The following RAB28 variants were observed in gnomAD, a reference collection of about 807,000 sequenced individuals.
The protein encoded by RAB28 is RAB28, member RAS oncogene family.
RAB28 carries 24 observed loss-of-function variants against 31.7 expected under a neutral mutation model. The ratio of observed to expected loss-of-function variants is 0.76; its 90% CI spans 0.55 to 1.06. RAB28 has a LOEUF of 1.06. RAB28 is among the 50% of genes least tolerant of loss of function. The pLI is 0.00. For missense variants in RAB28, 254 were observed against 258.5 expected, an observed-to-expected ratio of 0.98 and a Z score of 0.12; for synonymous variants, 100 against 90.4, an observed-to-expected ratio of 1.11 and a Z score of -0.60.
intron 4 of RAB28, among the ~76,000 whole-genome samples, chr4:13,410,904 G>GA (rs1416456551): frequency 2.6e-5 from 4 of 151,978 alleles, no homozygotes; most frequent in East Asian, 1.9e-4. Flanking sequence ...GTAATAGAAA[G>GA]AAAAAATAAA....
At chr4:13,422,484 A>T (rs1713220191) in intron 4 of RAB28, among the ~76,000 whole-genome samples, 4 of 152,220 alleles carry the variant, frequency 2.6e-5, no homozygotes, top group Admixed American at 2.6e-4. Context: ...AATAGCAAAG[A>T]CTTGGAACCA....
intron 4 of RAB28, among the ~76,000 whole-genome samples, chr4:13,459,088 T>G (rs1715456913): frequency 6.6e-6 from 1 of 152,186 alleles, no homozygotes; most frequent in South Asian, 2.1e-4. Flanking sequence ...GGCCTCCATC[T>G]TTTTCCTGTG....
chr4:13,453,329 T>C (rs185044232), intron 4 of RAB28, among the ~76,000 whole-genome samples: 48 of 152,258 alleles, frequency 3.2e-4, no homozygotes, highest in Admixed American at 2.7e-3. Context: ...TTTCTGGTTG[T>C]TCTGTATACC....
chr4:13,477,007 A>C (rs1716391133), intron 2 of RAB28, among the ~76,000 whole-genome samples: 1 of 151,586 alleles, frequency 6.6e-6, no homozygotes, highest in South Asian at 2.1e-4. Flanking sequence ...AAAGTGCTGC[A>C]TAGTCAAGAT....
intron 4 of RAB28, among the ~76,000 whole-genome samples, chr4:13,391,070 T>C (rs1185512041): frequency 1.3e-5 from 2 of 152,086 alleles, no homozygotes; most frequent in Non-Finnish European, 2.9e-5. Context: ...CTAATTAAAC[T>C]AAAGAGCTTC....
intron 4 of RAB28, among the ~76,000 whole-genome samples, chr4:13,438,821 T>C (rs1560293455): frequency 6.6e-6 from 1 of 152,188 alleles, no homozygotes; most frequent in Non-Finnish European, 1.5e-5. Flanking sequence ...AACTGACTTT[T>C]TGAGGAGCTG....
At chr4:13,421,939 G>T (rs1353545599) in intron 4 of RAB28, among the ~76,000 whole-genome samples, 1 of 151,944 alleles carries the variant, frequency 6.6e-6, no homozygotes, top group Non-Finnish European at 1.5e-5. Context: ...CACAGCAAAA[G>T]AAACTACCAT....
At chr4:13,439,377 CAA>C (rs200314996) in intron 4 of RAB28, among the ~76,000 whole-genome samples, 2,089 of 152,290 alleles carry the variant, frequency 0.014, 24 homozygotes, top group Middle Eastern at 0.044. Context: ...GTTTTTCAGA[CAA>C]AGTCTCGCCC....
chr4:13,483,070 T>C (rs1716684471), intron 1 of RAB28, among the ~76,000 whole-genome samples: 1 of 152,036 alleles, frequency 6.6e-6, no homozygotes, highest in African/African-American at 2.4e-5. Flanking sequence ...TCCCAGAAAG[T>C]GTTGGCGCCT....
rs751826969 is a variant in RAB28 at position 13,433,516 on chromosome 4, A to G, written c.391+27183T>C. The stretch of plus-strand genomic sequence containing the variant: ...AAGTAGGCAAAGCACATGAACAGAC[A>G]CTTTCAAAAGACAGACAAGTAGCCA... On this transcript the variant is annotated intron_variant, in intron 4 of 6. Coordinates refer to ENST00000330852, the MANE Select transcript of RAB28 (RefSeq NM_001017979.3). 2.6e-5 allele frequency among the ~76,000 whole-genome samples: 4 copies of G among 152,160 alleles called. No homozygotes were observed. In the South Asian group the frequency reaches 8.3e-4, roughly 31 times the overall value.
At chr4:13,466,821 A>T (rs1715867998) in intron 3 of RAB28, among the ~76,000 whole-genome samples, 1 of 152,040 alleles carries the variant, frequency 6.6e-6, no homozygotes, top group Non-Finnish European at 1.5e-5. Flanking sequence ...AAAATGATGT[A>T]TATATGCATA....
intron 4 of RAB28, among the ~76,000 whole-genome samples, chr4:13,439,457 T>A (rs1252681466): frequency 6.6e-6 from 1 of 152,158 alleles, no homozygotes; most frequent in Non-Finnish European, 1.5e-5. Context: ...CAGGCTCAAA[T>A]AACTCTCATG....
chr4:13,468,300 C>G (rs1715963908), intron 3 of RAB28, among the ~76,000 whole-genome samples: 1 of 151,924 alleles, frequency 6.6e-6, no homozygotes, highest in Non-Finnish European at 1.5e-5. Flanking sequence ...TTCCCTAGCT[C>G]TCACGGTACA....
At chr4:13,474,495 G>A in intron 2 of RAB28, 89 bp from the exon 3 acceptor site, 1 of 738,626 alleles carries the variant, frequency 1.4e-6, no homozygotes. Context: ...AGAATACTAA[G>A]TCACAATAAG....
At chr4:13,368,914 AC>A (rs1728615269) in intron 6 of RAB28, among the ~76,000 whole-genome samples, 3 of 152,052 alleles carry the variant, frequency 2.0e-5, no homozygotes, top group Non-Finnish European at 4.4e-5. Context: ...CTAATGAAAA[AC>A]TGACAAATCA....
At chr4:13,374,377 G>A (rs1409993198) in intron 6 of RAB28, among the ~76,000 whole-genome samples, 2 of 152,046 alleles carry the variant, frequency 1.3e-5, no homozygotes, top group African/African-American at 4.8e-5. Context: ...TAGTAACCCT[G>A]TTGATCTTGC....
intron 6 of RAB28, chr4:13,369,803 G>C (rs1374863784): frequency 3.5e-5 from 49 of 1,404,372 alleles, no homozygotes; most frequent in Non-Finnish European, 3.5e-5. Context: ...AGGGAATAAA[G>C]AACAAGATAG....
intron 4 of RAB28, among the ~76,000 whole-genome samples, chr4:13,395,696 T>C (rs148559423): frequency 1.3e-5 from 2 of 152,106 alleles, no homozygotes; most frequent in African/African-American, 4.8e-5. Flanking sequence ...ACTAGACATA[T>C]CAAATGTATC....
intron 1 of RAB28, among the ~76,000 whole-genome samples, chr4:13,482,078 T>C (rs1577255951): frequency 6.6e-6 from 1 of 152,276 alleles, no homozygotes; most frequent in Admixed American, 6.5e-5. Context: ...TAAAATAAGT[T>C]ATTTAGTCAA....
Sources: allele counts gnomAD v4.1 joint callset (sites outside exome capture counted in the v4.1 genomes callset), GRCh38; gene constraint gnomAD v4.1.1; transcripts MANE v1.5; gene names NCBI Gene and HGNC (gene_info 2026-07-23, HGNC 2026-07-21).